The following VAV3 variants were observed in gnomAD, a reference collection of about 807,000 sequenced individuals.
The protein encoded by VAV3 is vav guanine nucleotide exchange factor 3, also known as guanine nucleotide exchange factor VAV3.
In VAV3, 94 loss-of-function variants were observed where a neutral mutation model predicts 131.2. That is an observed-to-expected ratio of 0.72 (90% CI 0.61 to 0.85). VAV3 has a LOEUF of 0.85. Among genes scored for constraint, VAV3 ranks in the 40% least tolerant of loss-of-function variants. The pLI, the probability that VAV3 is intolerant of heterozygous loss-of-function variation, is 0.00. For synonymous variants in VAV3, 349 were observed against 342.0 expected (o/e 1.02, Z -0.22); for missense variants, 939 against 1,002.7 (o/e 0.94, Z 0.86).
chr1:107,611,282 G>A (rs2101159072), intron 21 of VAV3, among the ~76,000 whole-genome samples: 1 of 152,208 alleles, frequency 6.6e-6, no homozygotes, highest in Admixed American at 6.5e-5. Context: ...TTTCTAGTCA[G>A]AACATTTCTT....
chr1:107,826,180 T>C (rs781002720), intron 2 of VAV3, among the ~76,000 whole-genome samples: 1 of 152,220 alleles, frequency 6.6e-6, no homozygotes, highest in Non-Finnish European at 1.5e-5. Context: ...CCTTGCAATG[T>C]TGTAAATTTG....
chr1:107,589,895 G>A (rs1409715247), intron 25 of VAV3, among the ~76,000 whole-genome samples: 1 of 152,142 alleles, frequency 6.6e-6, no homozygotes, highest in East Asian at 1.9e-4. Context: ...GAATTATTAG[G>A]ATGTTTAAGG....
intron 20 of VAV3, among the ~76,000 whole-genome samples, chr1:107,641,799 C>T (rs1029093480): frequency 1.3e-5 from 2 of 151,916 alleles, no homozygotes; most frequent in Non-Finnish European, 2.9e-5. Flanking sequence ...ACCCAGAGGT[C>T]CTCGGTTTGG....
At chr1:107,771,201 C>T (rs1178319846) in intron 5 of VAV3, among the ~76,000 whole-genome samples, 1 of 151,036 alleles carries the variant, frequency 6.6e-6, no homozygotes, top group East Asian at 1.9e-4. Flanking sequence ...ACACTAAAAT[C>T]AAAGATTCTG....
At chr1:107,625,719 T>A (rs1653967832) in intron 20 of VAV3, among the ~76,000 whole-genome samples, 1 of 152,240 alleles carries the variant, frequency 6.6e-6, no homozygotes, top group African/African-American at 2.4e-5. Context: ...CTTCAGGAAT[T>A]CAAATTATCA....
At chr1:107,716,899 A>C (rs1570812405) in intron 15 of VAV3, among the ~76,000 whole-genome samples, 1 of 152,144 alleles carries the variant, frequency 6.6e-6, no homozygotes, top group African/African-American at 2.4e-5. Context: ...GCTATTAATT[A>C]TTGCCTCAAT....
chr1:107,665,660 T>C (rs4378232), intron 19 of VAV3, among the ~76,000 whole-genome samples: 96,273 of 152,094 alleles, frequency 0.63, 31,346 homozygotes, highest in African/African-American at 0.79. Flanking sequence ...GGGTGGGAGC[T>C]AACTAGTTTT....
At chr1:107,927,828 G>C (rs896612336) in intron 1 of VAV3, among the ~76,000 whole-genome samples, 8 of 152,152 alleles carry the variant, frequency 5.3e-5, no homozygotes, top group African/African-American at 1.9e-4. Flanking sequence ...TGATACCTCT[G>C]GACCCACCTG....
At position 107,642,615 on chromosome 1, in the gene VAV3, G is replaced by GT; in HGVS notation, c.1914+3dup. 6.2e-7 allele frequency: 1 copy of GT among 1,612,342 alleles called. No homozygotes were observed. The highest frequency in any genetic ancestry group is 8.5e-7 in the Non-Finnish European group (1 of 1,179,274). On this transcript the variant is annotated splice_donor_region_variant and intron_variant, in intron 20 of 26. Coordinates refer to ENST00000370056, the MANE Select transcript of VAV3 (RefSeq NM_006113.5). ...TCAGGACCCCTTTCCTGCAACAACA[G>GT]TACCTGCCAAAACAGACTGTGTGCA...
chr1:107,633,870 G>T (rs1374539511), intron 20 of VAV3, among the ~76,000 whole-genome samples: 1 of 151,986 alleles, frequency 6.6e-6, no homozygotes, highest in African/African-American at 2.4e-5. Flanking sequence ...AACACTAACT[G>T]CCAATCCTGT....
At chr1:107,671,536 T>C (rs1415373855) in intron 19 of VAV3, among the ~76,000 whole-genome samples, 1 of 152,216 alleles carries the variant, frequency 6.6e-6, no homozygotes, top group African/African-American at 2.4e-5. Context: ...TTTTCATACT[T>C]AGATGAAGAA....
intron 1 of VAV3, among the ~76,000 whole-genome samples, chr1:107,889,766 G>T (rs1015213505): frequency 6.6e-6 from 1 of 152,198 alleles, no homozygotes; most frequent in African/African-American, 2.4e-5. Context: ...GAAGCTGTAT[G>T]ATCAGAAAGT....
chr1:107,842,819 C>T (rs1318054975), intron 2 of VAV3, among the ~76,000 whole-genome samples: 2 of 151,904 alleles, frequency 1.3e-5, no homozygotes, highest in East Asian at 1.9e-4. Context: ...AAATTTCTCC[C>T]GATTTTTATA....
At chr1:107,611,027 T>C (rs1289479052) in intron 21 of VAV3, among the ~76,000 whole-genome samples, 1 of 152,192 alleles carries the variant, frequency 6.6e-6, no homozygotes, top group Non-Finnish European at 1.5e-5. Flanking sequence ...GGTTAAGAGT[T>C]ATCTACAGGT....
intron 24 of VAV3, among the ~76,000 whole-genome samples, chr1:107,597,964 T>A (rs114183014): frequency 6.6e-6 from 1 of 152,162 alleles, no homozygotes; most frequent in Non-Finnish European, 1.5e-5. Flanking sequence ...GTGAGGTGAG[T>A]GAACTTAGGC....
chr1:107,727,450 A>G (rs1661916009), intron 15 of VAV3, among the ~76,000 whole-genome samples: 1 of 152,232 alleles, frequency 6.6e-6, no homozygotes, highest in African/African-American at 2.4e-5. Context: ...AATATTACTT[A>G]GGCATAAATT....
intron 19 of VAV3, among the ~76,000 whole-genome samples, chr1:107,670,547 T>C (rs932821298): frequency 6.6e-6 from 1 of 152,212 alleles, no homozygotes; most frequent in African/African-American, 2.4e-5. Flanking sequence ...ATGTTTGTTC[T>C]TGTGCTTCGA....
intron 21 of VAV3, among the ~76,000 whole-genome samples, chr1:107,616,213 T>C (rs573768000): frequency 6.6e-6 from 1 of 152,142 alleles, no homozygotes; most frequent in South Asian, 2.1e-4. Flanking sequence ...TGTTTCAGGA[T>C]AAAGAAAATA....
intron 2 of VAV3, among the ~76,000 whole-genome samples, chr1:107,822,652 CAA>C (rs756767547): frequency 0.16 from 14,020 of 86,778 alleles, 843 homozygotes; most frequent in East Asian, 0.33. Flanking sequence ...GACTCCATCT[CAA>C]AAAAAATAAA....
Sources: gnomAD v4.1 joint callset for allele counts (sites outside exome capture counted in the v4.1 genomes callset) on GRCh38, gnomAD v4.1.1 for gene constraint, MANE v1.5 for transcripts, NCBI Gene and HGNC (gene_info 2026-07-23, HGNC 2026-07-21) for gene names.